The following KCNIP1 variants were observed in gnomAD, a reference collection of about 807,000 sequenced individuals.
KCNIP1 encodes A-type potassium channel modulatory protein KCNIP1.
KCNIP1 carries 18 observed loss-of-function variants against 33.0 expected under a neutral mutation model. The observed-to-expected ratio is 0.55, with a 90% confidence interval of 0.38 to 0.81. The LOEUF is 0.81. Ranked by LOEUF, KCNIP1 falls within the 30% of genes least tolerant of loss-of-function variation. The pLI, the probability that KCNIP1 is intolerant of heterozygous loss-of-function variation, is 0.00. For missense variants in KCNIP1, 238 were observed against 271.6 expected (o/e 0.88, Z 0.87); for synonymous variants, 93 against 98.3 (o/e 0.95, Z 0.32).
rs151204383 is a variant in KCNIP1, at chr5:170,670,069, T to C, written c.62-48689T>C. Among the ~76,000 whole-genome samples the C allele has an allele frequency of 2.2e-4, 33 of 152,352 alleles. No individual in the cohort carries two copies. In the East Asian group the frequency reaches 6.2e-3, roughly 28 times the overall value. On this transcript the variant is annotated intron_variant, in intron 1 of 7. Transcript: ENST00000328939. ...AAGAACAAAATTTTTTGACGGAGTC[T>C]GGGCCAGACTTCATCCCTTACCTAT...
chr5:170,454,387 A>T (rs1367384309), intron 1 of KCNIP1, among the ~76,000 whole-genome samples: 2 of 152,244 alleles, frequency 1.3e-5, no homozygotes, highest in Non-Finnish European at 1.5e-5. Context: ...AAACAAAGAG[A>T]TTGGCATTAA....
At chr5:170,649,913 G>A in intron 1 of KCNIP1, among the ~76,000 whole-genome samples, 1 of 152,184 alleles carries the variant, frequency 6.6e-6, no homozygotes, top group Non-Finnish European at 1.5e-5. Flanking sequence ...AGGCTCGGTT[G>A]TTCTTCATAA....
intron 1 of KCNIP1, among the ~76,000 whole-genome samples, chr5:170,594,771 A>G (rs977181189): frequency 6.6e-6 from 1 of 152,162 alleles, no homozygotes; most frequent in Non-Finnish European, 1.5e-5. Context: ...TCTGCCTCCC[A>G]AAGTGCTGGG....
intron 1 of KCNIP1, chr5:170,389,211 G>C (rs375540293): frequency 6.6e-6 from 1 of 152,180 alleles, no homozygotes; most frequent in South Asian, 2.1e-4. Flanking sequence ...CCTCCAGCCC[G>C]GTCTTCAGAG....
At chr5:170,720,762 C>T (rs1347685748) in intron 3 of KCNIP1, among the ~76,000 whole-genome samples, 1 of 152,248 alleles carries the variant, frequency 6.6e-6, no homozygotes, top group Non-Finnish European at 1.5e-5. Context: ...GGGTCTGAAA[C>T]AGGTTTTGCC....
intron 1 of KCNIP1, among the ~76,000 whole-genome samples, chr5:170,506,781 C>A (rs958505925): frequency 2.0e-5 from 3 of 152,226 alleles, no homozygotes; most frequent in East Asian, 1.9e-4. Context: ...GCTATCGAAG[C>A]ACTGGGCACT....
At chr5:170,370,912 G>A (rs1057264529) in intron 1 of KCNIP1, among the ~76,000 whole-genome samples, 5 of 152,216 alleles carry the variant, frequency 3.3e-5, no homozygotes, top group African/African-American at 9.7e-5. Context: ...GTGCCAAGAA[G>A]GTATGACATG....
At chr5:170,582,428 A>C (rs1369524867) in intron 1 of KCNIP1, among the ~76,000 whole-genome samples, 1 of 152,208 alleles carries the variant, frequency 6.6e-6, no homozygotes, top group Non-Finnish European at 1.5e-5. Context: ...GCATAGCCTA[A>C]CATTTAGCAG....
chr5:170,433,733 G>A (rs1320298372), intron 1 of KCNIP1, among the ~76,000 whole-genome samples: 1 of 152,116 alleles, frequency 6.6e-6, no homozygotes, highest in Non-Finnish European at 1.5e-5. Flanking sequence ...CTCTGTTGAG[G>A]GCTTGCTGTA....
chr5:170,628,415 A>G (rs10036974), intron 1 of KCNIP1, among the ~76,000 whole-genome samples: 101,386 of 152,064 alleles, frequency 0.67, 35,592 homozygotes, highest in African/African-American at 0.9. Context: ...GAGTGGTGGA[A>G]ATTCTCAGAA....
chr5:170,558,907 G>T (rs1756935702), intron 1 of KCNIP1, among the ~76,000 whole-genome samples: 1 of 152,270 alleles, frequency 6.6e-6, no homozygotes, highest in African/African-American at 2.4e-5. Flanking sequence ...AAACTGAGTG[G>T]CTTCAAACAA....
chr5:170,715,476 A>C (rs1283467641), intron 1 of KCNIP1, among the ~76,000 whole-genome samples: 3 of 152,204 alleles, frequency 2.0e-5, no homozygotes, highest in Non-Finnish European at 4.4e-5. Context: ...AATCAAAATC[A>C]TCTACTATTC....
chr5:170,442,055 T>C (rs144003840), intron 1 of KCNIP1, among the ~76,000 whole-genome samples: 1 of 151,888 alleles, frequency 6.6e-6, no homozygotes, highest in Non-Finnish European at 1.5e-5. Context: ...CACCACTCAG[T>C]GCCCCAGCCA....
intron 1 of KCNIP1, among the ~76,000 whole-genome samples, chr5:170,390,534 A>ATTTTTT (rs1486235751): frequency 7.4e-6 from 1 of 135,718 alleles, no homozygotes; most frequent in African/African-American, 2.9e-5. Flanking sequence ...ATATATATAT[A>ATTTTTT]TATATTTTCA....
chr5:170,733,745 G>C (rs4868018), intron 6 of KCNIP1, 91 bp from the exon 7 acceptor site: 83 of 1,077,902 alleles, frequency 7.7e-5, no homozygotes, highest in Non-Finnish European at 1.1e-4. Context: ...GCTCCAGCTC[G>C]TTACTCTGAG....
At chr5:170,366,976 T>C (rs767186656) in intron 1 of KCNIP1, among the ~76,000 whole-genome samples, 18 of 152,184 alleles carry the variant, frequency 1.2e-4, no homozygotes, top group Non-Finnish European at 8.8e-5. Flanking sequence ...GGTGACTCCT[T>C]GGCTGGACTG....
intron 1 of KCNIP1, among the ~76,000 whole-genome samples, chr5:170,409,013 C>A (rs1280410067): frequency 6.6e-6 from 1 of 152,202 alleles, no homozygotes; most frequent in Admixed American, 6.5e-5. Flanking sequence ...CAGTGAGCAA[C>A]CCTCAGGGCT....
intron 1 of KCNIP1, among the ~76,000 whole-genome samples, chr5:170,546,802 A>C (rs1412360796): frequency 6.6e-6 from 1 of 152,110 alleles, no homozygotes; most frequent in Non-Finnish European, 1.5e-5. Flanking sequence ...TATTATTATT[A>C]ATATATACAG....
intron 1 of KCNIP1, among the ~76,000 whole-genome samples, chr5:170,537,774 T>G (rs999028401): frequency 6.6e-6 from 1 of 152,216 alleles, no homozygotes; most frequent in African/African-American, 2.4e-5. Flanking sequence ...CAAATTGGGG[T>G]GCTGAGGGCA....
Sources: allele counts gnomAD v4.1 joint callset (sites outside exome capture counted in the v4.1 genomes callset), GRCh38; gene constraint gnomAD v4.1.1; transcripts MANE v1.5; gene names NCBI Gene and HGNC (gene_info 2026-07-23, HGNC 2026-07-21).